The following TMCC2 variants were observed in gnomAD, a reference collection of about 807,000 sequenced individuals.
TMCC2 encodes the protein transmembrane and coiled-coil domain family 2, also known as transmembrane and coiled-coil domains protein 2.
TMCC2 carries 16 observed loss-of-function variants against 49.4 expected under a neutral mutation model. The observed-to-expected ratio is 0.32, with a 90% CI of 0.22 to 0.49. TMCC2 has a LOEUF of 0.49. Ranked by LOEUF, TMCC2 falls within the 20% of genes least tolerant of loss-of-function variation. The pLI, the probability that TMCC2 is intolerant of heterozygous loss-of-function variation, is 0.99. For synonymous variants in TMCC2, 397 were observed against 434.1 expected (o/e 0.91, Z 1.06); for missense variants, 762 against 989.8 (o/e 0.77, Z 3.09).
intron 2 of TMCC2, among the ~76,000 whole-genome samples, chr1:205,256,594 C>A (rs1458536558): frequency 1.3e-5 from 2 of 152,178 alleles, no homozygotes; most frequent in African/African-American, 4.8e-5. Flanking sequence ...TGTCAGCTTC[C>A]TCCAGGTGGT....
chr1:205,263,388 G>A (rs1337745380), intron 2 of TMCC2, among the ~76,000 whole-genome samples: 4 of 152,114 alleles, frequency 2.6e-5, no homozygotes, highest in Non-Finnish European at 4.4e-5. Context: ...CTCTCTCAGG[G>A]TGTAAAAACC....
chr1:205,270,514 T>C (rs1391042534), intron 3 of TMCC2, among the ~76,000 whole-genome samples: 1 of 152,238 alleles, frequency 6.6e-6, no homozygotes, highest in Admixed American at 6.5e-5. Context: ...CTGCAGCACT[T>C]GCCGCTCGCT....
chr1:205,269,759 G>T lies in TMCC2; in HGVS notation c.1557G>T (p.Leu519=), dbSNP rs1661505848. The change falls in exon 3 of 5, where the codon CTG becomes CTT. Residue 519 remains leucine, a synonymous_variant. Coordinates refer to ENST00000358024, the MANE Select transcript of TMCC2 (RefSeq NM_014858.4). ...GTGCTCCTGGAAACCTGGATGCTCT[G>T]CTGGAAGAGCTACGGGAGATCAAGG... ...LYGAPGNLDA[L]LEELREIKEG... The T allele has an allele frequency of 1.2e-6, 2 of 1,614,098 alleles. No homozygotes were observed. The highest frequency in any genetic ancestry group is 1.1e-5 in the South Asian group (1 of 91,094).
Position 205,268,756 on chromosome 1 carries a change from G to A in TMCC2, c.748-194G>A. On this transcript the variant is annotated intron_variant, in intron 2 of 4. Transcript: ENST00000358024. ...GCCTAGACTGCATTTTGGGGATGCT[G>A]TGGGGACGGGGTAGAGAGCAGATGT... 3.3e-6 allele frequency: 2 copies of A among 614,246 alleles called. 1 individual carries two copies. The highest frequency in any genetic ancestry group is 4.1e-5 in the South Asian group (2 of 49,110). 38.0% of individuals were successfully genotyped at this position (614,246 alleles called of 1,614,324 possible).
chr1:205,262,128 G>A (rs1661140794), intron 2 of TMCC2, among the ~76,000 whole-genome samples: 1 of 152,244 alleles, frequency 6.6e-6, no homozygotes, highest in Middle Eastern at 3.4e-3. Context: ...GTCACCCTGG[G>A]TACATGTGCT....
chr1:205,251,031 G>A (rs919969145), intron 2 of TMCC2, among the ~76,000 whole-genome samples: 3 of 152,186 alleles, frequency 2.0e-5, no homozygotes, highest in African/African-American at 7.2e-5. Context: ...GCCAGATGAG[G>A]CAATGGATAT....
At chr1:205,235,014 G>T (rs1659978459) in intron 1 of TMCC2, among the ~76,000 whole-genome samples, 1 of 152,114 alleles carries the variant, frequency 6.6e-6, no homozygotes, top group African/African-American at 2.4e-5. Context: ...AGAGAAGAGG[G>T]GCTTTCTAAA....
chr1:205,235,041 G>A (rs1248902289), intron 1 of TMCC2, among the ~76,000 whole-genome samples: 1 of 152,190 alleles, frequency 6.6e-6, no homozygotes, highest in Non-Finnish European at 1.5e-5. Context: ...AAGTGAGGTA[G>A]CAAGTGCTTT....
In TMCC2 at chr1:205,264,897, T is replaced by C. The variant is rs1661261913; in HGVS notation, c.748-4053T>C. Among the ~76,000 whole-genome samples, 1 of 152,214 alleles carries C rather than the reference T, an allele frequency of 6.6e-6. No individual in the cohort carries two copies. The highest frequency in any genetic ancestry group is 2.4e-5 in the African/African-American group (1 of 41,440). Reference sequence around the variant, plus strand: ...AGGCTAACTATAATTGTTATCCTTATCCTTTGTCCAAAACATTTAGAATTT... The same window carrying C: ...AGGCTAACTATAATTGTTATCCTTACCCTTTGTCCAAAACATTTAGAATTT... On this transcript the variant is annotated intron_variant, in intron 2 of 4. Transcript: ENST00000358024. This position sits in a 1 kb window ranked among gnomAD's most constrained non-coding sequence, Gnocchi z 4.2.
intron 1 of TMCC2, chr1:205,229,703 G>C (rs1014425953): frequency 2.8e-5 from 28 of 985,530 alleles, no homozygotes; most frequent in Non-Finnish European, 3.3e-5. Flanking sequence ...GCTTGGGCTG[G>C]TTTGGGGCCT....
chr1:205,268,349 C>T (rs1268010197), intron 2 of TMCC2, among the ~76,000 whole-genome samples: 1 of 152,196 alleles, frequency 6.6e-6, no homozygotes, highest in African/African-American at 2.4e-5. Flanking sequence ...CGTAGTGGCT[C>T]ACACCTGTAA....
chr1:205,257,334 C>G lies in TMCC2; in HGVS notation c.748-11616C>G, dbSNP rs906404936. The stretch of plus-strand genomic sequence containing the variant: ...CCTCAGAGCCCCGGGTACCTCATCG[C>G]CGGCACGGCTTCGGGAAACAGTGCC... On this transcript the variant is annotated intron_variant, in intron 2 of 4. Transcript: ENST00000358024. The G allele has an allele frequency of 1.2e-5, 15 of 1,232,194 alleles. No individual in the cohort carries two copies. The Admixed American group carries it at 3.0e-4, about 24-fold the overall frequency. 76.3% of individuals were successfully genotyped at this position (1,232,194 alleles called of 1,614,324 possible).
chr1:205,268,921 A>G lies in TMCC2; in HGVS notation c.748-29A>G, dbSNP rs377134906. The G allele has an allele frequency of 1.6e-5, 25 of 1,605,308 alleles. No homozygotes were observed. In the African/African-American group the frequency reaches 2.7e-4, roughly 17 times the overall value. On this transcript the variant is annotated intron_variant, in intron 2 of 4. Coordinates refer to ENST00000358024, the MANE Select transcript of TMCC2 (RefSeq NM_014858.4). ...ACTCCTATGGTCCCAGGGTTTACCC[A>G]TGCTTCCTCTGCCTGCCTCTTTCCC...
chr1:205,241,166 C>T lies in TMCC2; in HGVS notation c.208-339C>T, dbSNP rs532241471. On this transcript the variant is annotated intron_variant, in intron 1 of 4. Coordinates refer to ENST00000358024, the MANE Select transcript of TMCC2 (RefSeq NM_014858.4). This position sits in a 1 kb window ranked among gnomAD's most constrained non-coding sequence, Gnocchi z 7.3. Reference sequence around the variant, plus strand: ...GGGGATCAATCTAGAGGGATACAACCCCATGAGCCAAGTGCTACCTGTGTA... The same window carrying T: ...GGGGATCAATCTAGAGGGATACAACTCCATGAGCCAAGTGCTACCTGTGTA... Among the ~76,000 whole-genome samples, 1 of 152,154 alleles carries T rather than the reference C, an allele frequency of 6.6e-6. No individual in the cohort carries two copies. Among genetic ancestry groups the T allele is most frequent in the Non-Finnish European group, 1.5e-5 (1 of 67,996 alleles).
intron 2 of TMCC2, chr1:205,246,351 C>T (rs1660453016): frequency 2.5e-6 from 1 of 398,964 alleles, no homozygotes; most frequent in South Asian, 5.6e-5. Context: ...GGGGTACCTT[C>T]AGTTTGAAGT....
In TMCC2 at chr1:205,273,022, C is replaced by CT. The variant is rs1661658816; in HGVS notation, c.*899dup. 1 of 152,270 alleles carries CT rather than the reference C, an allele frequency of 6.6e-6. No individual in the cohort carries two copies. Among genetic ancestry groups the CT allele is most frequent in the South Asian group, 2.1e-4 (1 of 4,830 alleles). 9.4% of individuals were successfully genotyped at this position (152,270 alleles called of 1,614,324 possible). A position where few individuals can be genotyped will look rare whatever the true frequency, so the allele number is the denominator to read the frequency against. On this transcript the variant is annotated 3_prime_UTR_variant, in exon 5 of 5. Coordinates refer to ENST00000358024, the MANE Select transcript of TMCC2 (RefSeq NM_014858.4). The stretch of plus-strand genomic sequence containing the variant: ...CCATTTAGCCTTTGGATCATCCTGG[C>CT]TGGGAGAAGTGGGACCGAGCCACCC...
chr1:205,255,851 C>T (rs1241965197), intron 2 of TMCC2, among the ~76,000 whole-genome samples: 23 of 152,272 alleles, frequency 1.5e-4, no homozygotes, highest in Non-Finnish European at 4.4e-5. Flanking sequence ...AAGTCAAGAT[C>T]CAGTACCATA....
rs141914005 is a variant in TMCC2, at chr1:205,255,019, C to T, written c.747+12975C>T. ...TTGTGCCCAGGAGTTCAAGGTCAGC[C>T]TGAGCAACATGGTGAAACCCCATCT... is the stretch of plus-strand genomic sequence containing the variant. On this transcript the variant is annotated intron_variant, in intron 2 of 4. Coordinates refer to ENST00000358024, the MANE Select transcript of TMCC2 (RefSeq NM_014858.4). Among the ~76,000 whole-genome samples the T allele has an allele frequency of 6.6e-3, 998 of 152,122 alleles. 4 individuals are homozygous for T. The highest frequency in any genetic ancestry group is 0.017 in the Middle Eastern group (5 of 294).
intron 3 of TMCC2, 110 bp downstream of exon 3, chr1:205,269,994 T>C (rs1661516829): frequency 9.7e-7 from 1 of 1,035,820 alleles, no homozygotes; most frequent in Non-Finnish European, 1.4e-6. Flanking sequence ...ATCCTCAGCC[T>C]CCTGGCTGCT....
Sources: allele counts gnomAD v4.1 joint callset (sites outside exome capture counted in the v4.1 genomes callset), GRCh38; gene constraint gnomAD v4.1.1; non-coding constraint Gnocchi (gnomAD v3.1); transcripts MANE v1.5; gene names NCBI Gene and HGNC (gene_info 2026-07-23, HGNC 2026-07-21).